The following LUZP2 variants were observed in gnomAD, a reference collection of about 807,000 sequenced individuals.
The protein encoded by LUZP2 is leucine zipper protein 2.
LUZP2 carries 52 observed loss-of-function variants against 51.6 expected under a neutral mutation model. The ratio of observed to expected loss-of-function variants is 1.01; its 90% CI spans 0.81 to 1.27. LUZP2 has a LOEUF of 1.27. LUZP2 is among the 50% of genes most tolerant of loss of function. LUZP2 has a pLI of 0.00. For synonymous variants in LUZP2, 154 were observed against 137.3 expected (o/e 1.12, Z -0.85); for missense variants, 436 against 395.4 (o/e 1.10, Z -0.87).
intron 5 of LUZP2, among the ~76,000 whole-genome samples, chr11:24,886,589 G>A (rs1590690132): frequency 6.6e-6 from 1 of 152,190 alleles, no homozygotes; most frequent in East Asian, 1.9e-4. Context: ...TAAATTGTAA[G>A]AAGATATCAA....
chr11:24,788,715 A>C (rs532529013), intron 5 of LUZP2, among the ~76,000 whole-genome samples: 1 of 152,214 alleles, frequency 6.6e-6, no homozygotes, highest in Admixed American at 6.6e-5. Flanking sequence ...CCAATTCCAT[A>C]ATCTATATGG....
intron 4 of LUZP2, among the ~76,000 whole-genome samples, chr11:24,742,057 T>TTTTATA (rs571183533): frequency 0.24 from 28,297 of 116,240 alleles, 4,691 homozygotes; most frequent in East Asian, 0.52. Flanking sequence ...ATAAATATAA[T>TTTTATA]TATATATATA....
At chr11:24,583,727 G>T (rs868115012) in intron 1 of LUZP2, among the ~76,000 whole-genome samples, 3 of 145,894 alleles carry the variant, frequency 2.1e-5, no homozygotes, top group South Asian at 2.2e-4. Context: ...TTTTTGAGAT[G>T]GAGTCTCGCT....
At chr11:24,695,321 A>T (rs1182428486) in intron 1 of LUZP2, among the ~76,000 whole-genome samples, 2 of 152,104 alleles carry the variant, frequency 1.3e-5, no homozygotes, top group African/African-American at 4.8e-5. Flanking sequence ...TGTGATCTTT[A>T]AATTTTGTTC....
At chr11:24,918,669 T>A (rs1304226704) in intron 7 of LUZP2, among the ~76,000 whole-genome samples, 1 of 151,532 alleles carries the variant, frequency 6.6e-6, no homozygotes, top group Non-Finnish European at 1.5e-5. Context: ...TATTTATCAT[T>A]GAAGAAAAAT....
At chr11:24,698,996 G>A (rs1857336029) in intron 1 of LUZP2, among the ~76,000 whole-genome samples, 1 of 151,856 alleles carries the variant, frequency 6.6e-6, no homozygotes, top group South Asian at 2.1e-4. Flanking sequence ...AGGTCAGGCT[G>A]CAATGAGCAG....
chr11:25,071,648 A>G (rs1451970214), intron 10 of LUZP2, among the ~76,000 whole-genome samples: 2 of 151,710 alleles, frequency 1.3e-5, no homozygotes, highest in Non-Finnish European at 2.9e-5. Flanking sequence ...GGTGGGGAAC[A>G]TCACACACCG....
chr11:24,835,535 G>C (rs958701372), intron 5 of LUZP2, among the ~76,000 whole-genome samples: 9 of 152,068 alleles, frequency 5.9e-5, no homozygotes, highest in African/African-American at 2.2e-4. Flanking sequence ...CTACAGAAAA[G>C]TTGGATTCTT....
At chr11:24,537,346 G>C (rs1430606730) in intron 1 of LUZP2, among the ~76,000 whole-genome samples, 6 of 151,806 alleles carry the variant, frequency 4.0e-5, no homozygotes, top group Non-Finnish European at 7.4e-5. Context: ...CTGTATTTGA[G>C]AATAAAACTG....
intron 5 of LUZP2, among the ~76,000 whole-genome samples, chr11:24,809,241 A>T (rs1045448441): frequency 3.3e-5 from 5 of 152,216 alleles, no homozygotes; most frequent in African/African-American, 7.2e-5. Flanking sequence ...AATAAATAAT[A>T]AATAAAATGT....
rs866692961 is a variant in LUZP2, at chr11:24,919,508, A to C, written c.522+4970A>C. 1.5e-3 allele frequency among the ~76,000 whole-genome samples: 204 copies of C among 134,456 alleles called. 8 individuals are homozygous for C. The highest frequency in any genetic ancestry group is 5.6e-3 in the African/African-American group (200 of 35,432). The allele number at this position is 134,456 out of a possible 152,430, so 88.2% of individuals were successfully genotyped here. On this transcript the variant is annotated intron_variant, in intron 7 of 11. Coordinates refer to ENST00000336930, the MANE Select transcript of LUZP2 (RefSeq NM_001009909.4). ...TAATATATATTCTTTATATATATTC[A>C]TAATCTATATATTCTTTATATATAT...
chr11:24,510,820 G>A (rs531503230), intron 1 of LUZP2, among the ~76,000 whole-genome samples: 30 of 152,154 alleles, frequency 2.0e-4, no homozygotes, highest in Middle Eastern at 6.8e-3. Flanking sequence ...AAGTATTGTG[G>A]ACCATTGGCC....
At chr11:24,672,149 CTTATA>C (rs1325275230) in intron 1 of LUZP2, among the ~76,000 whole-genome samples, 4 of 152,152 alleles carry the variant, frequency 2.6e-5, no homozygotes, top group African/African-American at 4.8e-5. Context: ...CTAGGAAATA[CTTATA>C]TTATTATATA....
At chr11:24,604,061 A>G (rs1260726380) in intron 1 of LUZP2, among the ~76,000 whole-genome samples, 1 of 151,856 alleles carries the variant, frequency 6.6e-6, no homozygotes, top group African/African-American at 2.4e-5. Context: ...TTACAATGCA[A>G]TAATTGAATG....
chr11:24,536,801 C>A (rs1268321395), intron 1 of LUZP2, among the ~76,000 whole-genome samples: 4 of 151,866 alleles, frequency 2.6e-5, no homozygotes, highest in African/African-American at 4.8e-5. Flanking sequence ...ACACAAGAAG[C>A]CTTTCAGTCT....
chr11:25,021,135 A>G (rs1442227424), intron 9 of LUZP2, among the ~76,000 whole-genome samples: 2 of 152,106 alleles, frequency 1.3e-5, no homozygotes, highest in South Asian at 2.1e-4. Context: ...AGGTTTTATT[A>G]TAGTAGGGAA....
chr11:24,582,614 C>G (rs977312929), intron 1 of LUZP2, among the ~76,000 whole-genome samples: 1 of 152,022 alleles, frequency 6.6e-6, no homozygotes, highest in Admixed American at 6.6e-5. Flanking sequence ...TCCCCCTGCC[C>G]TCATCTAAAA....
At chr11:24,575,516 G>T (rs745945651) in intron 1 of LUZP2, among the ~76,000 whole-genome samples, 12 of 152,236 alleles carry the variant, frequency 7.9e-5, no homozygotes, top group Non-Finnish European at 1.6e-4. Context: ...AATGATTCAT[G>T]ATTCCTATGA....
In LUZP2 at chr11:24,965,445, T is replaced by TTGATAGCCATTGA. The variant is rs1277003830; in HGVS notation, c.523-11145_523-11133dup. Among the ~76,000 whole-genome samples, 7 of 151,718 alleles carry TTGATAGCCATTGA rather than the reference T, an allele frequency of 4.6e-5. No individual in the cohort carries two copies. The East Asian group carries it at 1.4e-3, about 29-fold the overall frequency. Reference sequence around the variant, plus strand: ...TACCAAGAAAGAATATCAACAAAATTTGATAGCCATTGAAATCAATGTGTT... The same window carrying TTGATAGCCATTGA: ...TACCAAGAAAGAATATCAACAAAATTTGATAGCCATTGATGATAGCCATTGAAATCAATGTGTT... On this transcript the variant is annotated intron_variant, in intron 7 of 11. Coordinates refer to ENST00000336930, the MANE Select transcript of LUZP2 (RefSeq NM_001009909.4).
Sources: gnomAD v4.1 joint callset for allele counts (sites outside exome capture counted in the v4.1 genomes callset) on GRCh38, gnomAD v4.1.1 for gene constraint, MANE v1.5 for transcripts, NCBI Gene and HGNC (gene_info 2026-07-23, HGNC 2026-07-21) for gene names.